Variants in RAPGEF4 observed in about 807,000 individuals in gnomAD.
RAPGEF4 encodes the protein Rap guanine nucleotide exchange factor 4.
In RAPGEF4, 66 loss-of-function variants were observed where a neutral mutation model predicts 147.9. The observed-to-expected ratio is 0.45, with a 90% CI of 0.37 to 0.55. The LOEUF is 0.55. RAPGEF4 is among the 20% of genes least tolerant of loss of function. The pLI is 0.00. For synonymous variants in RAPGEF4, 419 were observed against 442.7 expected (o/e 0.95, Z 0.67); for missense variants, 1,071 against 1,257.3 (o/e 0.85, Z 2.24).
chr2:172,756,306 G>A (rs559438518), intron 1 of RAPGEF4, among the ~76,000 whole-genome samples: 76 of 152,298 alleles, frequency 5.0e-4, no homozygotes, highest in South Asian at 1.7e-3. Flanking sequence ...CTCCAGTGCC[G>A]TTTCCCATGG....
chr2:172,839,648 C>T (rs1305056781), intron 4 of RAPGEF4, among the ~76,000 whole-genome samples: 1 of 151,370 alleles, frequency 6.6e-6, no homozygotes, highest in Non-Finnish European at 1.5e-5. Context: ...AGTTAGAATG[C>T]CTTAAGCATC....
At chr2:172,787,364 A>T (rs756005331) in intron 1 of RAPGEF4, among the ~76,000 whole-genome samples, 2 of 152,216 alleles carry the variant, frequency 1.3e-5, no homozygotes, top group African/African-American at 4.8e-5. Flanking sequence ...AAATATTTTT[A>T]GTTTTAGCCT....
intron 29 of RAPGEF4, among the ~76,000 whole-genome samples, chr2:173,040,794 G>A (rs913358368): frequency 1.3e-5 from 2 of 152,098 alleles, no homozygotes; most frequent in Non-Finnish European, 2.9e-5. Context: ...GCCAAAAAAA[G>A]CAGACATTCT....
At chr2:172,896,588 A>C (rs1698503014) in intron 4 of RAPGEF4, among the ~76,000 whole-genome samples, 1 of 149,806 alleles carries the variant, frequency 6.7e-6, no homozygotes, top group African/African-American at 2.5e-5. Context: ...CCCCCCCCCA[A>C]AAAAATCCAG....
intron 4 of RAPGEF4, among the ~76,000 whole-genome samples, chr2:172,861,773 G>C (rs1352773222): frequency 2.6e-5 from 4 of 152,240 alleles, no homozygotes; most frequent in Non-Finnish European, 2.9e-5. Context: ...CGACAGGAGT[G>C]CTGGACTAGG....
intron 30 of RAPGEF4, 42 bp from the exon 31 acceptor site, chr2:173,051,598 T>C (rs1686249869): frequency 6.3e-7 from 1 of 1,592,078 alleles, no homozygotes. Flanking sequence ...CTTATATACA[T>C]ATATTACACA....
Position 173,036,175 on chromosome 2 carries a change from A to G in RAPGEF4, c.2751A>G (p.Glu917=), listed in dbSNP as rs368981324. The change falls in exon 28 of 31, where the codon GAA becomes GAG. Residue 917 remains glutamate (E), a synonymous_variant. Coordinates refer to ENST00000397081, the MANE Select transcript of RAPGEF4 (RefSeq NM_007023.4). ...ACAGGCTGACAGTAGCTAAGCTGGA[A>G]CCTCCTCTCATCCCCTTCATGCCTT... is the stretch of plus-strand genomic sequence containing the variant. ...RAYRLTVAKL[E]PPLIPFMPLL... The G allele has an allele frequency of 5.0e-5, 80 of 1,612,832 alleles. No homozygotes were observed. The African/African-American group carries it at 8.9e-4, about 18-fold the overall frequency.
At chr2:172,869,321 T>A (rs1217440203) in intron 4 of RAPGEF4, among the ~76,000 whole-genome samples, 3 of 152,200 alleles carry the variant, frequency 2.0e-5, no homozygotes, top group Admixed American at 6.5e-5. Context: ...GTTATTGTTT[T>A]GGGTTTTTAA....
At chr2:172,923,273 G>T (rs1381801634) in intron 6 of RAPGEF4, among the ~76,000 whole-genome samples, 1 of 151,962 alleles carries the variant, frequency 6.6e-6, no homozygotes, top group East Asian at 1.9e-4. Context: ...GTTGATTTTG[G>T]TTTTTGTTTT....
chr2:172,931,188 T>TGGGGGGGGGGGGGG (rs1575283791), intron 6 of RAPGEF4, among the ~76,000 whole-genome samples: 1 of 1,518 alleles, frequency 6.6e-4, no homozygotes, highest in Non-Finnish European at 1.6e-3. Context: ...GGGGGGGCGC[T>TGGGGGGGGGGGGGG]GGGGGGCGGG....
rs778667803 is a variant in RAPGEF4, at chr2:173,033,946, G to A, written c.2682G>A (p.Ala894=). Residue 894 remains alanine, a synonymous_variant, in exon 27 of 31, where the codon GCG becomes GCA. Transcript: ENST00000397081. ...CAAGCAAGTTCAAGAAGTTCTATGC[G>A]GAGTTTGAAAGTTTAATGGTAAGTG... is the stretch of plus-strand genomic sequence containing the variant. ...KLPSKFKKFY[A]EFESLMDPSR... 15 of 1,612,492 alleles carry A rather than the reference G, an allele frequency of 9.3e-6. No homozygotes were observed. Among genetic ancestry groups the A allele is most frequent in the South Asian group, 3.3e-5 (3 of 90,778 alleles).
At chr2:173,045,938 A>T (rs543127934) in intron 29 of RAPGEF4, among the ~76,000 whole-genome samples, 1 of 152,312 alleles carries the variant, frequency 6.6e-6, no homozygotes, top group East Asian at 1.9e-4. Context: ...GCTTAATATT[A>T]CATGTGTTAA....
At chr2:172,977,583 C>T (rs1031189054) in intron 10 of RAPGEF4, among the ~76,000 whole-genome samples, 2 of 152,012 alleles carry the variant, frequency 1.3e-5, no homozygotes, top group South Asian at 2.1e-4. Flanking sequence ...AACACTGAGC[C>T]CCCACTAGGG....
chr2:172,957,482 T>C (rs916338079), intron 6 of RAPGEF4, among the ~76,000 whole-genome samples: 1 of 152,256 alleles, frequency 6.6e-6, no homozygotes, highest in African/African-American at 2.4e-5. Context: ...GTGGCCTGCC[T>C]GTCAGGCTTG....
At chr2:172,886,108 G>C (rs148166143) in intron 4 of RAPGEF4, among the ~76,000 whole-genome samples, 349 of 152,248 alleles carry the variant, frequency 2.3e-3, no homozygotes, top group African/African-American at 7.8e-3. Flanking sequence ...GATCTTTGAG[G>C]CTTAGTCCAG....
rs114518752 is a variant in RAPGEF4, at chr2:172,736,753, A to G, written c.65+705A>G. ...ATTGCAGTTGTTTCCAGGCTGTGACAGCATAATTTTCTGTTTGTCCAGATT... is the reference window on the plus strand; with the variant it reads ...ATTGCAGTTGTTTCCAGGCTGTGACGGCATAATTTTCTGTTTGTCCAGATT... On this transcript the variant is annotated intron_variant, in intron 1 of 30. Transcript: ENST00000397081. Among the ~76,000 whole-genome samples, 666 of 152,374 alleles carry G rather than the reference A, an allele frequency of 4.4e-3. 1 individual carries two copies. Among genetic ancestry groups the G allele is most frequent in the Middle Eastern group, 0.02 (6 of 294 alleles).
intron 22 of RAPGEF4, among the ~76,000 whole-genome samples, chr2:173,019,360 A>G (rs1461581221): frequency 6.6e-6 from 1 of 152,208 alleles, no homozygotes; most frequent in South Asian, 2.1e-4. Flanking sequence ...TTCATCACAT[A>G]TTTACTGGCC....
intron 4 of RAPGEF4, among the ~76,000 whole-genome samples, chr2:172,822,774 C>T (rs977170900): frequency 1.3e-5 from 2 of 152,192 alleles, no homozygotes; most frequent in Admixed American, 6.5e-5. Flanking sequence ...CTGTTGACAC[C>T]TCACCCCCAC....
chr2:172,791,420 C>T (rs1457949503), intron 1 of RAPGEF4, among the ~76,000 whole-genome samples: 2 of 152,012 alleles, frequency 1.3e-5, no homozygotes. Flanking sequence ...AAAGGAGGTC[C>T]CAGACATGAA....
Sources: allele counts gnomAD v4.1 joint callset (sites outside exome capture counted in the v4.1 genomes callset), GRCh38; gene constraint gnomAD v4.1.1; transcripts MANE v1.5; gene names NCBI Gene and HGNC (gene_info 2026-07-23, HGNC 2026-07-21).